Variants in ZNF704 observed in about 807,000 individuals in gnomAD.
The protein encoded by ZNF704 is zinc finger protein 704, also known as glucocorticoid induced gene 1.
In ZNF704, 10 loss-of-function variants were observed where a neutral mutation model predicts 44.7. The observed-to-expected ratio is 0.22, with a 90% CI of 0.14 to 0.38. ZNF704 has a LOEUF of 0.38. ZNF704 is among the 10% of genes least tolerant of loss of function. The probability of loss-of-function intolerance (pLI) is 1.00; values close to 1 mark genes in which losing one functional copy is unlikely to be tolerated. For missense variants in ZNF704, 390 were observed against 545.5 expected, an observed-to-expected ratio of 0.71 and a Z score of 2.84; for synonymous variants, 211 against 207.6, an observed-to-expected ratio of 1.02 and a Z score of -0.14.
chr8:80,860,724 G>C (rs1809045851), intron 1 of ZNF704, among the ~76,000 whole-genome samples: 1 of 152,038 alleles, frequency 6.6e-6, no homozygotes, highest in African/African-American at 2.4e-5. Flanking sequence ...TAACCAAAAC[G>C]ACAAGATGCA....
intron 2 of ZNF704, among the ~76,000 whole-genome samples, chr8:80,741,066 T>C (rs540077461): frequency 6.6e-6 from 1 of 152,354 alleles, no homozygotes; most frequent in East Asian, 1.9e-4. Context: ...GTGAGGAATG[T>C]ATCCAGCATA....
At chr8:80,651,044 G>GAA (rs1563504881) in intron 7 of ZNF704, among the ~76,000 whole-genome samples, 3 of 152,206 alleles carry the variant, frequency 2.0e-5, no homozygotes, top group African/African-American at 4.8e-5. Flanking sequence ...TTTCAACCCA[G>GAA]AAGTTCATAT....
intron 7 of ZNF704, among the ~76,000 whole-genome samples, chr8:80,650,230 T>C (rs1817894754): frequency 1.3e-5 from 2 of 152,150 alleles, no homozygotes; most frequent in African/African-American, 4.8e-5. Flanking sequence ...GCAGAAAAAC[T>C]GGAAACTCTA....
chr8:80,729,713 A>G (rs1421702088), intron 2 of ZNF704, among the ~76,000 whole-genome samples: 2 of 152,218 alleles, frequency 1.3e-5, no homozygotes, highest in Non-Finnish European at 2.9e-5. Context: ...ACTGGCTGGC[A>G]GGTAACTGAA....
chr8:80,870,164 T>TA (rs1404545739), intron 1 of ZNF704, among the ~76,000 whole-genome samples: 1 of 152,076 alleles, frequency 6.6e-6, no homozygotes, highest in Non-Finnish European at 1.5e-5. Context: ...ACAGAAACTC[T>TA]AAGAACTGTT....
In ZNF704 at chr8:80,714,213, T is replaced by C. The variant is rs144789697; in HGVS notation, c.222-21106A>G. Among the ~76,000 whole-genome samples the C allele has an allele frequency of 5.6e-3, 852 of 152,350 alleles. 9 individuals carry two copies. The highest frequency in any genetic ancestry group is 0.019 in the African/African-American group (787 of 41,584). ...CAGAGGAAAAACCTTTTCCTGACTC[T>C]TGATCATCTCTTGAGATGAAAGTCT... is the stretch of plus-strand genomic sequence containing the variant. On this transcript the variant is annotated intron_variant, in intron 2 of 8. Coordinates refer to ENST00000327835, the MANE Select transcript of ZNF704 (RefSeq NM_001033723.3).
At chr8:80,647,980 C>G (rs1411041802) in intron 7 of ZNF704, among the ~76,000 whole-genome samples, 2 of 152,082 alleles carry the variant, frequency 1.3e-5, no homozygotes, top group Non-Finnish European at 2.9e-5. Context: ...CTGGAAAGTC[C>G]AAGGTTGAGG....
intron 2 of ZNF704, among the ~76,000 whole-genome samples, chr8:80,761,485 G>T (rs1807129919): frequency 6.6e-6 from 1 of 152,018 alleles, no homozygotes; most frequent in Non-Finnish European, 1.5e-5. Context: ...CCTGAACACT[G>T]AAATCCCCAA....
chr8:80,859,943 C>A lies in ZNF704; in HGVS notation c.-22+14628G>T, dbSNP rs11985122. 3.8e-3 allele frequency among the ~76,000 whole-genome samples: 585 copies of A among 152,288 alleles called. 3 individuals are homozygous for A. The highest frequency in any genetic ancestry group is 0.013 in the African/African-American group (550 of 41,568). The stretch of plus-strand genomic sequence containing the variant: ...AACCTTTAATCCTAGGTCATTGGCT[C>A]ACTTTTCACACAAGAGTCATCCTTC... On this transcript the variant is annotated intron_variant, in intron 1 of 8. Transcript: ENST00000327835.
At chr8:80,787,161 C>T (rs1041482081) in intron 2 of ZNF704, among the ~76,000 whole-genome samples, 3 of 152,204 alleles carry the variant, frequency 2.0e-5, no homozygotes, top group South Asian at 2.1e-4. Context: ...ACTCTATGTG[C>T]TACTTCATCT....
At chr8:80,649,635 G>T (rs1023914287) in intron 7 of ZNF704, among the ~76,000 whole-genome samples, 3 of 152,196 alleles carry the variant, frequency 2.0e-5, no homozygotes, top group East Asian at 3.9e-4. Flanking sequence ...CGCCATTGCC[G>T]AGGCTTGAGT....
chr8:80,851,962 G>C (rs1808871728), intron 1 of ZNF704, among the ~76,000 whole-genome samples: 1 of 152,102 alleles, frequency 6.6e-6, no homozygotes, highest in South Asian at 2.1e-4. Context: ...CCCATTTAGA[G>C]AGTAAGGACT....
At chr8:80,832,704 T>C (rs1432153561) in intron 1 of ZNF704, among the ~76,000 whole-genome samples, 2 of 151,136 alleles carry the variant, frequency 1.3e-5, no homozygotes, top group African/African-American at 4.9e-5. Context: ...AGGCATGAAA[T>C]TTAGGCCACA....
At position 80,665,095 on chromosome 8, in the gene ZNF704, A is replaced by C. The variant is rs1818169494; in HGVS notation, c.660-13T>G. The C allele has an allele frequency of 1.2e-6, 2 of 1,612,218 alleles. No individual in the cohort carries two copies. Among genetic ancestry groups the C allele is most frequent in the Non-Finnish European group, 1.7e-6 (2 of 1,178,374 alleles). On this transcript the variant is annotated splice_polypyrimidine_tract_variant and intron_variant, in intron 5 of 8. Coordinates refer to ENST00000327835, the MANE Select transcript of ZNF704 (RefSeq NM_001033723.3). ...GTCTCCAACGCGCCTAATGCAAAAG[A>C]GAGTAAAACAATCATACTAAGCCAA...
chr8:80,654,149 G>A (rs1470438121), intron 7 of ZNF704, among the ~76,000 whole-genome samples: 2 of 151,654 alleles, frequency 1.3e-5, no homozygotes, highest in African/African-American at 2.4e-5. Context: ...GTAGAAAGCT[G>A]AAACTGGATC....
intron 1 of ZNF704, among the ~76,000 whole-genome samples, chr8:80,872,824 C>T (rs1055717917): frequency 6.6e-6 from 1 of 152,212 alleles, no homozygotes. Flanking sequence ...TTAAATGCTA[C>T]CCCCCACCCC....
intron 2 of ZNF704, among the ~76,000 whole-genome samples, chr8:80,727,273 G>A (rs1319642827): frequency 6.6e-6 from 1 of 152,252 alleles, no homozygotes; most frequent in South Asian, 2.1e-4. Context: ...CCAGACTTAC[G>A]ATCGGCTCAG....
intron 2 of ZNF704, among the ~76,000 whole-genome samples, chr8:80,796,682 T>C (rs1807806026): frequency 6.6e-6 from 1 of 151,896 alleles, no homozygotes; most frequent in East Asian, 1.9e-4. Flanking sequence ...AGGACAGGCA[T>C]AGAGTGGACA....
chr8:80,779,703 A>C (rs1408703724), intron 2 of ZNF704, among the ~76,000 whole-genome samples: 1 of 151,948 alleles, frequency 6.6e-6, no homozygotes, highest in African/African-American at 2.4e-5. Context: ...AGAATATTTT[A>C]GTTACACTAC....
Sources: allele counts gnomAD v4.1 joint callset (sites outside exome capture counted in the v4.1 genomes callset), GRCh38; gene constraint gnomAD v4.1.1; transcripts MANE v1.5; gene names NCBI Gene and HGNC (gene_info 2026-07-23, HGNC 2026-07-21).